Variants in ARHGAP5 observed in about 807,000 individuals in gnomAD.
The protein encoded by ARHGAP5 is Rho GTPase activating protein 5.
ARHGAP5 carries 23 observed loss-of-function variants against 116.6 expected under a neutral mutation model. That is an observed-to-expected ratio of 0.20 (90% CI 0.14 to 0.28). The LOEUF is 0.28. Ranked by LOEUF, ARHGAP5 falls within the 10% of genes least tolerant of loss-of-function variation. The pLI is 1.00. For missense variants in ARHGAP5, 1,405 were observed against 1,774.8 expected (o/e 0.79, Z 3.74); for synonymous variants, 574 against 602.0 (o/e 0.95, Z 0.68).
Position 32,093,723 on chromosome 14 carries a change from G to A in ARHGAP5, c.3054G>A (p.Glu1018=). The A allele has an allele frequency of 6.2e-7, 1 of 1,614,056 alleles. No homozygotes were observed. Among genetic ancestry groups the A allele is most frequent in the Non-Finnish European group, 8.5e-7 (1 of 1,179,974 alleles). The change falls in exon 2 of 7, where the codon GAG becomes GAA. Residue 1018 remains glutamate, a synonymous_variant. Coordinates refer to ENST00000345122, the MANE Select transcript of ARHGAP5 (RefSeq NM_001030055.2). ...SRYRLDLEGN[E]YPIHSTPNCH... is the part of the protein sequence containing the mutation. ...ATAGATTAGATTTGGAAGGAAATGAGTATCCTATTCATAGTACCCCAAACT... is the reference window on the plus strand; with the variant it reads ...ATAGATTAGATTTGGAAGGAAATGAATATCCTATTCATAGTACCCCAAACT...
rs992601111 is a variant in ARHGAP5 at position 32,092,388 on chromosome 14, T to C, written c.1719T>C (p.Ala573=). The change falls in exon 2 of 7, where the codon GCT becomes GCC. Residue 573 remains alanine, a synonymous_variant. Coordinates refer to ENST00000345122, the MANE Select transcript of ARHGAP5 (RefSeq NM_001030055.2). The surrounding 1 kb of genome is among the most constrained non-coding windows in gnomAD (Gnocchi z 4.1). ...ACATTAAAGTGGAGCAGTTACTTGC[T>C]AGTAGTCTTTTACAGTTGGATCATG... ...CTDIKVEQLL[A]SSLLQLDHGR... is the part of the protein sequence containing the mutation. 5.6e-6 allele frequency: 9 copies of C among 1,613,392 alleles called. No individual in the cohort carries two copies. The highest frequency in any genetic ancestry group is 6.8e-6 in the Non-Finnish European group (8 of 1,179,740).
intron 2 of ARHGAP5, among the ~76,000 whole-genome samples, chr14:32,096,187 C>T (rs1878517145): frequency 6.6e-6 from 1 of 151,780 alleles, no homozygotes; most frequent in South Asian, 2.1e-4. Context: ...ATAGTGGACT[C>T]TTTTTGCTAT....
At chr14:32,103,248 A>G (rs1255764227) in intron 2 of ARHGAP5, among the ~76,000 whole-genome samples, 1 of 152,170 alleles carries the variant, frequency 6.6e-6, no homozygotes, top group African/African-American at 2.4e-5. Flanking sequence ...GTATTTTACT[A>G]TTTGCCATTT....
chr14:32,088,734 C>T (rs182591515), intron 1 of ARHGAP5, among the ~76,000 whole-genome samples: 8 of 152,108 alleles, frequency 5.3e-5, no homozygotes, highest in Middle Eastern at 3.4e-3. Context: ...ATTTGTAAGT[C>T]ACAAGCCTCA....
At chr14:32,108,009 A>T (rs1879093716) in intron 2 of ARHGAP5, among the ~76,000 whole-genome samples, 2 of 152,192 alleles carry the variant, frequency 1.3e-5, no homozygotes, top group African/African-American at 2.4e-5. Context: ...GAAGAGTATG[A>T]TATGGGAGCT....
At chr14:32,102,509 C>T (rs147377872) in intron 2 of ARHGAP5, among the ~76,000 whole-genome samples, 212 of 152,314 alleles carry the variant, frequency 1.4e-3, no homozygotes, top group African/African-American at 4.9e-3. Context: ...GTGACTGCAC[C>T]ACTGCATTCT....
intron 3 of ARHGAP5, among the ~76,000 whole-genome samples, chr14:32,143,635 A>G (rs916995525): frequency 2.6e-5 from 4 of 152,252 alleles, no homozygotes; most frequent in African/African-American, 9.6e-5. Context: ...TTGGAGGTCC[A>G]GGATGGATAC....
chr14:32,091,333 C>G lies in ARHGAP5; in HGVS notation c.664C>G (p.Leu222Val), dbSNP rs1410191577. 1 of 1,613,416 alleles carries G rather than the reference C, an allele frequency of 6.2e-7. No homozygotes were observed. Among genetic ancestry groups the G allele is most frequent in the East Asian group, 2.2e-5 (1 of 44,850 alleles). The change falls in exon 2 of 7, where the codon CTT (leucine) becomes GTT (valine). Residue 222 changes from leucine (L) to valine (V), a missense_variant. Leu to Val is a conservative substitution (Grantham distance 32). Transcript: ENST00000345122. Reference sequence around the variant, plus strand: ...GGCATTTGCTTCAAATAAAAAGAACCTTCTTGTAGTGGAAACATCAGCACG... The same window carrying G: ...GGCATTTGCTTCAAATAAAAAGAACGTTCTTGTAGTGGAAACATCAGCACG... ...VQAFASNKKN[L>V]LVVETSARFN...
intron 3 of ARHGAP5, among the ~76,000 whole-genome samples, chr14:32,122,751 A>G (rs1246147666): frequency 6.6e-6 from 1 of 152,206 alleles, no homozygotes; most frequent in Non-Finnish European, 1.5e-5. Flanking sequence ...TATAAGCACT[A>G]TTTATTAAAA....
At chr14:32,130,929 G>T (rs940364584) in intron 3 of ARHGAP5, among the ~76,000 whole-genome samples, 1 of 152,116 alleles carries the variant, frequency 6.6e-6, no homozygotes, top group Non-Finnish European at 1.5e-5. Flanking sequence ...TAGATTCACC[G>T]AGTAAACTTT....
chr14:32,134,798 G>A (rs112048238), intron 3 of ARHGAP5, among the ~76,000 whole-genome samples: 10 of 152,258 alleles, frequency 6.6e-5, no homozygotes, highest in African/African-American at 2.2e-4. Flanking sequence ...TCTTTAAGTA[G>A]TTTGAGTAAT....
intron 5 of ARHGAP5, among the ~76,000 whole-genome samples, chr14:32,150,569 A>T (rs1041251642): frequency 6.6e-6 from 1 of 152,214 alleles, no homozygotes; most frequent in Admixed American, 6.5e-5. Context: ...CTCAGAGAGT[A>T]AGAGACAAGA....
intron 3 of ARHGAP5, among the ~76,000 whole-genome samples, chr14:32,119,652 A>G (rs1879784492): frequency 6.6e-6 from 1 of 152,090 alleles, no homozygotes; most frequent in African/African-American, 2.4e-5. Flanking sequence ...TTGTAGATGA[A>G]CTTTATCTGG....
intron 3 of ARHGAP5, among the ~76,000 whole-genome samples, chr14:32,128,147 T>A (rs1880282139): frequency 2.1e-5 from 3 of 145,910 alleles, no homozygotes; most frequent in Non-Finnish European, 4.5e-5. Context: ...GAGACGCTTC[T>A]CACTTCCTAG....
At chr14:32,080,891 T>G (rs2041765603) in intron 1 of ARHGAP5, among the ~76,000 whole-genome samples, 1 of 152,206 alleles carries the variant, frequency 6.6e-6, no homozygotes, top group Non-Finnish European at 1.5e-5. Flanking sequence ...ATAGAATTAT[T>G]ACTTGGGAAA....
intron 3 of ARHGAP5, among the ~76,000 whole-genome samples, chr14:32,120,474 T>G (rs1261795998): frequency 2.0e-5 from 3 of 152,002 alleles, no homozygotes; most frequent in Non-Finnish European, 2.9e-5. Context: ...TCTAGATTAC[T>G]GTGTTAGACC....
intron 2 of ARHGAP5, among the ~76,000 whole-genome samples, chr14:32,105,847 G>T (rs933020555): frequency 6.6e-6 from 1 of 152,128 alleles, no homozygotes; most frequent in Non-Finnish European, 1.5e-5. Context: ...GTCATTTCAA[G>T]GATGTTATAT....
chr14:32,121,011 G>A (rs1034466110), intron 3 of ARHGAP5, among the ~76,000 whole-genome samples: 5 of 78,760 alleles, frequency 6.3e-5, no homozygotes, highest in African/African-American at 2.3e-4. Context: ...TTAGGATTAT[G>A]TCTTTTTTTT....
In ARHGAP5 at chr14:32,091,718, T is replaced by G. The variant is rs764971618; in HGVS notation, c.1049T>G (p.Leu350Trp). The G allele has an allele frequency of 6.8e-6, 11 of 1,611,434 alleles. No homozygotes were observed. ...NTLPRAFNTLLPNLEEIEHLN... is the reference protein window; with the variant it reads ...NTLPRAFNTLWPNLEEIEHLN... ...TTACCAAGAGCTTTTAACACTCTTT[T>G]GCCAAATCTAGAAGAGATTGAACAT... Residue 350 changes from leucine to tryptophan, a missense_variant, in exon 2 of 7, where the codon TTG becomes TGG. Physicochemically the swap from Leu to Trp is moderately conservative, Grantham distance 61. Transcript: ENST00000345122.
Sources: allele counts gnomAD v4.1 joint callset (sites outside exome capture counted in the v4.1 genomes callset), GRCh38; gene constraint gnomAD v4.1.1; non-coding constraint Gnocchi (gnomAD v3.1); transcripts MANE v1.5; gene names NCBI Gene and HGNC (gene_info 2026-07-23, HGNC 2026-07-21).